TP53BP2: variants seen among roughly 807,000 people sequenced by gnomAD.
TP53BP2 encodes apoptosis-stimulating of p53 protein 2.
Under a neutral mutation model 126.2 loss-of-function variants are expected in TP53BP2, and 62 were observed. That is an observed-to-expected ratio of 0.49 (90% CI 0.40 to 0.61). The LOEUF (loss-of-function observed/expected upper bound fraction) is 0.61, where lower values mean the gene tolerates loss of function less well. Among genes scored for constraint, TP53BP2 ranks in the 20% least tolerant of loss-of-function variants. The pLI, the probability that TP53BP2 is intolerant of heterozygous loss-of-function variation, is 0.00. For synonymous variants in TP53BP2, 485 were observed against 502.9 expected (o/e 0.96, Z 0.48); for missense variants, 1,215 against 1,402.8 (o/e 0.87, Z 2.14).
chr1:223,841,245 C>CAATAAATAAATAAATAAATA (rs1482499195), intron 1 of TP53BP2, among the ~76,000 whole-genome samples: 1 of 66,352 alleles, frequency 1.5e-5, no homozygotes, highest in African/African-American at 1.2e-4. Context: ...GACTCCGTCT[C>CAATAAATAAATAAATAAATA]AAGAAATAAA....
intron 1 of TP53BP2, among the ~76,000 whole-genome samples, chr1:223,841,167 C>T (rs1237689462): frequency 6.6e-6 from 1 of 152,172 alleles, no homozygotes; most frequent in East Asian, 1.9e-4. Context: ...GCTTTAACCC[C>T]AGGAGGCGGA....
At chr1:223,829,000 A>C (rs977290082) in intron 1 of TP53BP2, among the ~76,000 whole-genome samples, 9 of 152,104 alleles carry the variant, frequency 5.9e-5, no homozygotes, top group African/African-American at 1.9e-4. Flanking sequence ...TTAAAAAAAA[A>C]AGAGCCCACC....
In TP53BP2 at chr1:223,796,383, T is replaced by C. The variant is rs965471625; in HGVS notation, c.2156A>G (p.Gln719Arg). 6.2e-7 allele frequency: 1 copy of C among 1,614,210 alleles called. No homozygotes were observed. Among genetic ancestry groups the C allele is most frequent in the Non-Finnish European group, 8.5e-7 (1 of 1,180,024 alleles). Residue 719 changes from glutamine (Q) to arginine (R), a missense_variant, in exon 13 of 18, where the codon CAG becomes CGG. Coordinates refer to ENST00000343537, the MANE Select transcript of TP53BP2 (RefSeq NM_001031685.3). This position sits in a 1 kb window ranked among gnomAD's most constrained non-coding sequence, Gnocchi z 4.2. ...TAAGGCTTCTAGGTCAGCATCACTC[T>C]GGTTTCGGTAAGGATTAGATAAGAA... ...LPFLSNPYRN[Q>R]SDADLEALRK... is the part of the protein sequence containing the mutation.
intron 1 of TP53BP2, among the ~76,000 whole-genome samples, chr1:223,825,461 C>T (rs1663459475): frequency 2.0e-5 from 3 of 152,160 alleles, no homozygotes; most frequent in Admixed American, 1.3e-4. Context: ...TTTAGAGCAA[C>T]ATTTTGCCCA....
intron 1 of TP53BP2, 125 bp from the exon 2 acceptor site, chr1:223,821,492 T>C: frequency 7.5e-7 from 1 of 1,326,136 alleles, no homozygotes; most frequent in Non-Finnish European, 1.1e-6. Context: ...ACAGTCTGGC[T>C]GTCACCCGGC....
chr1:223,843,582 T>C (rs533029475), intron 1 of TP53BP2, among the ~76,000 whole-genome samples: 12 of 152,356 alleles, frequency 7.9e-5, no homozygotes, highest in Non-Finnish European at 1.8e-4. Flanking sequence ...CACTTAAATA[T>C]AGTTAAAATG....
chr1:223,797,245 A>G (rs1662356592), intron 12 of TP53BP2, among the ~76,000 whole-genome samples: 1 of 152,186 alleles, frequency 6.6e-6, no homozygotes, highest in Non-Finnish European at 1.5e-5. Context: ...TTCAATTAAA[A>G]CATGGTAAGT....
At chr1:223,791,599 T>C (rs1662158744) in intron 15 of TP53BP2, among the ~76,000 whole-genome samples, 1 of 152,220 alleles carries the variant, frequency 6.6e-6, no homozygotes, top group East Asian at 1.9e-4. Context: ...GCAATTTATA[T>C]ATGCATACAT....
chr1:223,842,232 C>T (rs549522372), intron 1 of TP53BP2, among the ~76,000 whole-genome samples: 2 of 152,314 alleles, frequency 1.3e-5, no homozygotes, highest in African/African-American at 4.8e-5. Flanking sequence ...CCACCGTGCC[C>T]GGCCCAGCTA....
chr1:223,822,613 G>C (rs1227664367), intron 1 of TP53BP2, among the ~76,000 whole-genome samples: 1 of 151,454 alleles, frequency 6.6e-6, no homozygotes, highest in East Asian at 1.9e-4. Context: ...CAGCTGTAGT[G>C]AGAAGTGACT....
chr1:223,831,049 G>A (rs1487290587), intron 1 of TP53BP2, among the ~76,000 whole-genome samples: 2 of 151,956 alleles, frequency 1.3e-5, no homozygotes, highest in Non-Finnish European at 2.9e-5. Flanking sequence ...AGTGAGCCGA[G>A]ATCGCGCCAC....
At chr1:223,840,986 C>T (rs1245482790) in intron 1 of TP53BP2, among the ~76,000 whole-genome samples, 1 of 152,200 alleles carries the variant, frequency 6.6e-6, no homozygotes, top group East Asian at 1.9e-4. Flanking sequence ...GGTGCGGTGG[C>T]TCATGCCTGT....
In TP53BP2 at chr1:223,793,321, T is replaced by A; in HGVS notation, c.2844A>T (p.Val948=). 6.2e-7 allele frequency: 1 copy of A among 1,606,454 alleles called. No homozygotes were observed. The highest frequency in any genetic ancestry group is 8.5e-7 in the Non-Finnish European group (1 of 1,177,342). Residue 948 remains valine, a synonymous_variant, in exon 14 of 18, where the codon GTA becomes GTT. Coordinates refer to ENST00000343537, the MANE Select transcript of TP53BP2 (RefSeq NM_001031685.3). ...ATCATACCTCATAAATAATTCTCTG[T>A]ACAAGGTCAAATTCTCCCTCCAAAG... The part of the protein sequence containing the change: ...DSSLEGEFDL[V]QRIIYEVDDP...
intron 2 of TP53BP2, among the ~76,000 whole-genome samples, chr1:223,820,848 C>T (rs905817363): frequency 5.3e-5 from 8 of 152,306 alleles, no homozygotes; most frequent in East Asian, 3.9e-4. Context: ...TACAGTTCCT[C>T]GACACTGAGT....
chr1:223,795,385 C>A (rs1025063077), intron 13 of TP53BP2, among the ~76,000 whole-genome samples: 1 of 152,184 alleles, frequency 6.6e-6, no homozygotes, highest in Non-Finnish European at 1.5e-5. Flanking sequence ...CCTAACATTT[C>A]ATTTTTTAAA....
chr1:223,837,815 T>C (rs1315729635), intron 1 of TP53BP2, among the ~76,000 whole-genome samples: 1 of 152,050 alleles, frequency 6.6e-6, no homozygotes, highest in Non-Finnish European at 1.5e-5. Context: ...CCCACGTCCC[T>C]TCCCATGCCA....
chr1:223,819,452 C>T (rs185042199), intron 2 of TP53BP2, among the ~76,000 whole-genome samples: 2 of 152,036 alleles, frequency 1.3e-5, no homozygotes, highest in Admixed American at 6.5e-5. Context: ...TTTGGGAGGC[C>T]GAGACGGGTG....
At chr1:223,819,181 T>C (rs1663207011) in intron 2 of TP53BP2, among the ~76,000 whole-genome samples, 1 of 136,254 alleles carries the variant, frequency 7.3e-6, no homozygotes, top group Non-Finnish European at 1.5e-5. Flanking sequence ...CGAAACTCTG[T>C]CTCAAAAAAA....
chr1:223,785,223 AG>A (rs1394003523), intron 16 of TP53BP2, among the ~76,000 whole-genome samples: 3 of 152,252 alleles, frequency 2.0e-5, no homozygotes, highest in African/African-American at 7.2e-5. Flanking sequence ...TTGAATAGTT[AG>A]CTTTTTCAAC....
Sources: allele counts gnomAD v4.1 joint callset (sites outside exome capture counted in the v4.1 genomes callset), GRCh38; gene constraint gnomAD v4.1.1; non-coding constraint Gnocchi (gnomAD v3.1); transcripts MANE v1.5; gene names NCBI Gene and HGNC (gene_info 2026-07-23, HGNC 2026-07-21).